The following ESRRB variants were observed in gnomAD, a reference collection of about 807,000 sequenced individuals.
ESRRB encodes the protein steroid hormone receptor ERR2.
In ESRRB, 16 loss-of-function variants were observed where a neutral mutation model predicts 46.0. That is an observed-to-expected ratio of 0.35 (90% CI 0.24 to 0.53). ESRRB has a LOEUF of 0.53. ESRRB is among the 20% of genes least tolerant of loss of function. The probability of loss-of-function intolerance (pLI) is 0.93; values close to 1 mark genes in which losing one functional copy is unlikely to be tolerated. For synonymous variants in ESRRB, 246 were observed against 259.6 expected (o/e 0.95, Z 0.50); for missense variants, 488 against 607.4 (o/e 0.80, Z 2.07).
chr14:76,376,532 C>T lies in ESRRB; in HGVS notation c.50+81C>T. ...CCTGGGGATCGCAGTTCCTTTTCTG[C>T]ACATTCTTGTGTAAAAGTGGAAGGG... On this transcript the variant is annotated intron_variant, in intron 1 of 6. Transcript: ENST00000644823. The surrounding 1 kb of genome is among the most constrained non-coding windows in gnomAD (Gnocchi z 4.1). 9.6e-7 allele frequency: 1 copy of T among 1,045,698 alleles called. No homozygotes were observed. Among genetic ancestry groups the T allele is most frequent in the African/African-American group, 1.6e-5 (1 of 60,898 alleles). 64.8% of individuals were successfully genotyped at this position (1,045,698 alleles called of 1,614,324 possible). A position where few individuals can be genotyped will look rare whatever the true frequency, so the allele number is the denominator to read the frequency against.
chr14:76,438,153 C>T (rs1228327212), intron 1 of ESRRB, among the ~76,000 whole-genome samples: 2 of 152,124 alleles, frequency 1.3e-5, no homozygotes, highest in South Asian at 2.1e-4. Context: ...AGCCACCTTC[C>T]AGACATGCCT....
chr14:76,394,565 C>T (rs530707638), intron 1 of ESRRB, among the ~76,000 whole-genome samples: 1 of 152,310 alleles, frequency 6.6e-6, no homozygotes, highest in African/African-American at 2.4e-5. Context: ...CCTCATTTTA[C>T]AGAAGAGAAA....
At chr14:76,336,322 A>G (rs1374292099) in intron 1 of ESRRB, among the ~76,000 whole-genome samples, 5 of 152,224 alleles carry the variant, frequency 3.3e-5, no homozygotes, top group Admixed American at 6.5e-5. Flanking sequence ...CCAAGGGCTC[A>G]AGACCAAGTC....
intron 1 of ESRRB, among the ~76,000 whole-genome samples, chr14:76,319,515 G>A (rs1426182880): frequency 6.6e-5 from 10 of 152,120 alleles, no homozygotes; most frequent in Non-Finnish European, 1.2e-4. Context: ...CAGGCTAATA[G>A]TAATCTTGAA....
chr14:76,429,578 C>A (rs992566998), intron 1 of ESRRB, among the ~76,000 whole-genome samples: 6 of 152,084 alleles, frequency 3.9e-5, no homozygotes, highest in East Asian at 1.9e-4. Flanking sequence ...TGGAGAAACC[C>A]CGTCTCTACT....
chr14:76,358,331 GAAAGAAAGAAAGAAAGAA>G (rs1884415300), intron 1 of ESRRB, among the ~76,000 whole-genome samples: 1 of 12,426 alleles, frequency 8.0e-5, no homozygotes, highest in Non-Finnish European at 1.3e-4. Flanking sequence ...AAAAAAGAAA[GAAAGAAAGAAAGAAAGAA>G]AGAAAGAAAG....
intron 3 of ESRRB, among the ~76,000 whole-genome samples, chr14:76,465,347 C>G (rs1889060897): frequency 6.6e-6 from 1 of 152,114 alleles, no homozygotes; most frequent in Admixed American, 6.5e-5. Context: ...TGAGCAGAGT[C>G]TCTTTAGGGG....
At chr14:76,393,367 C>T (rs901752269) in intron 1 of ESRRB, among the ~76,000 whole-genome samples, 1 of 152,196 alleles carries the variant, frequency 6.6e-6, no homozygotes, top group African/African-American at 2.4e-5. Context: ...CCATGCCCTG[C>T]AGCCTCCTAA....
At chr14:76,452,273 G>A (rs994503582) in intron 2 of ESRRB, among the ~76,000 whole-genome samples, 2 of 151,950 alleles carry the variant, frequency 1.3e-5, no homozygotes, top group African/African-American at 4.8e-5. Context: ...AGTTAGGGCC[G>A]TCCAAACCAA....
At chr14:76,480,554 C>T (rs1003940659) in intron 3 of ESRRB, among the ~76,000 whole-genome samples, 6 of 152,224 alleles carry the variant, frequency 3.9e-5, no homozygotes, top group Admixed American at 3.3e-4. Flanking sequence ...AAAGAAACAG[C>T]CAGAAAATAG....
chr14:76,438,667 A>G (rs1887775647), intron 1 of ESRRB, among the ~76,000 whole-genome samples: 1 of 152,040 alleles, frequency 6.6e-6, no homozygotes, highest in African/African-American at 2.4e-5. Context: ...CCATCTCAAA[A>G]AAAAAAAAAA....
At chr14:76,353,874 G>A (rs557781885) in intron 1 of ESRRB, among the ~76,000 whole-genome samples, 11 of 152,212 alleles carry the variant, frequency 7.2e-5, no homozygotes, top group African/African-American at 2.6e-4. Flanking sequence ...TGAACCCGGA[G>A]GATCACGAGC....
chr14:76,485,250 T>G (rs1889962268), intron 5 of ESRRB, among the ~76,000 whole-genome samples: 1 of 146,488 alleles, frequency 6.8e-6, no homozygotes, highest in African/African-American at 2.5e-5. Flanking sequence ...TTTTTTTTTT[T>G]TTTTTTTGAG....
chr14:76,486,354 A>G (rs946552728), intron 5 of ESRRB, among the ~76,000 whole-genome samples: 5 of 152,124 alleles, frequency 3.3e-5, no homozygotes, highest in Admixed American at 1.3e-4. Flanking sequence ...GCCTCCTCAC[A>G]AAAGTCCCTC....
chr14:76,440,973 G>A (rs1286874734), intron 2 of ESRRB, among the ~76,000 whole-genome samples: 3 of 152,172 alleles, frequency 2.0e-5, no homozygotes, highest in Non-Finnish European at 2.9e-5. Context: ...GCTTGAACCC[G>A]GGAGGTGGAG....
Position 76,500,520 on chromosome 14 carries a change from C to A in ESRRB, c.*2062C>A. ...GCCCTGAGGTTCTGCTCCGGAGAAA[C>A]CTTCACAGTAGAGACCTTGGGGTGT... On this transcript the variant is annotated 3_prime_UTR_variant, in exon 7 of 7. Coordinates refer to ENST00000644823, the MANE Select transcript of ESRRB (RefSeq NM_001379180.1). 1 of 672,098 alleles carries A rather than the reference C, an allele frequency of 1.5e-6. No homozygotes were observed. Among genetic ancestry groups the A allele is most frequent in the Non-Finnish European group, 2.7e-6 (1 of 373,200 alleles). The allele number at this position is 672,098 out of a possible 1,614,324, so 41.6% of individuals were successfully genotyped here. A position where few individuals can be genotyped will look rare whatever the true frequency, so the allele number is the denominator to read the frequency against.
At chr14:76,357,664 C>T (rs11627741) in intron 1 of ESRRB, among the ~76,000 whole-genome samples, 29,828 of 152,106 alleles carry the variant, frequency 0.2, 3,649 homozygotes, top group Non-Finnish European at 0.28. Flanking sequence ...TGGCATGCAC[C>T]ACCATGCTTG....
At chr14:76,491,800 G>A in intron 6 of ESRRB, 84 bp downstream of exon 6, 2 of 1,432,766 alleles carry the variant, frequency 1.4e-6, no homozygotes, top group East Asian at 2.5e-5. Context: ...CCTGTGGGCA[G>A]GGCTGGCTGC....
chr14:76,458,419 C>G (rs1428681661), intron 2 of ESRRB, among the ~76,000 whole-genome samples: 1 of 147,646 alleles, frequency 6.8e-6, no homozygotes, highest in Non-Finnish European at 1.5e-5. Flanking sequence ...TTAGGTCTCT[C>G]TCTCTGACAC....
Sources: gnomAD v4.1 joint callset for allele counts (sites outside exome capture counted in the v4.1 genomes callset) on GRCh38, gnomAD v4.1.1 for gene constraint, Gnocchi (gnomAD v3.1) non-coding constraint, MANE v1.5 for transcripts, NCBI Gene and HGNC (gene_info 2026-07-23, HGNC 2026-07-21) for gene names.